SH3BGRL2: variants seen among roughly 807,000 people sequenced by gnomAD.
The protein encoded by SH3BGRL2 is SH3 domain binding glutamate rich protein like 2, also known as SH3 domain-binding glutamic acid-rich-like protein 2.
In SH3BGRL2, 21 loss-of-function variants were observed where a neutral mutation model predicts 14.8. The observed-to-expected ratio is 1.42, with a 90% confidence interval of 1.01 to 2.05. SH3BGRL2 has a LOEUF of 2.05. Ranked by LOEUF, SH3BGRL2 falls within the 30% of genes most tolerant of loss-of-function variation. The pLI is 0.00. For synonymous variants in SH3BGRL2, 50 were observed against 47.8 expected, an observed-to-expected ratio of 1.05 and a Z score of -0.19; for missense variants, 147 against 130.8, an observed-to-expected ratio of 1.12 and a Z score of -0.61.
chr6:79,658,284 C>A (rs1044461643), intron 1 of SH3BGRL2, among the ~76,000 whole-genome samples: 1 of 152,088 alleles, frequency 6.6e-6, no homozygotes, highest in Admixed American at 6.5e-5. Context: ...TAATGCTATC[C>A]CTCACCCAGG....
At chr6:79,624,746 T>TCAGTTTGCTGACTTTTA in the SH3BGRL2 span, among the ~76,000 whole-genome samples, 1 of 152,318 alleles carries the variant, frequency 6.6e-6, no homozygotes, top group Admixed American at 6.5e-5. Flanking sequence ...CTTCTCTTTT[T>TCAGTTTGCTGACTTTTA]CAGTTTGCTG....
chr6:79,691,527 C>T (rs1582740042), intron 2 of SH3BGRL2, among the ~76,000 whole-genome samples: 1 of 123,184 alleles, frequency 8.1e-6, no homozygotes, highest in African/African-American at 3.3e-5. Context: ...CACAACAGTC[C>T]CCGGTGTGTG....
intron 2 of SH3BGRL2, among the ~76,000 whole-genome samples, chr6:79,677,206 C>T (rs959178122): frequency 1.3e-5 from 2 of 152,184 alleles, no homozygotes. Flanking sequence ...GTTGGTTAAC[C>T]TGTAGAAACC....
chr6:79,683,132 G>A (rs1357557395), intron 2 of SH3BGRL2, among the ~76,000 whole-genome samples: 1 of 152,012 alleles, frequency 6.6e-6, no homozygotes, highest in Non-Finnish European at 1.5e-5. Flanking sequence ...AACCAATATG[G>A]TACATGTATA....
chr6:79,556,882 A>G, the SH3BGRL2 span, among the ~76,000 whole-genome samples: 1 of 151,962 alleles, frequency 6.6e-6, no homozygotes, highest in Admixed American at 6.6e-5. Context: ...ATAAATATGC[A>G]AAAACATTAA....
chr6:79,675,391 A>T (rs1266262915), intron 2 of SH3BGRL2, among the ~76,000 whole-genome samples: 3 of 152,136 alleles, frequency 2.0e-5, no homozygotes, highest in African/African-American at 7.2e-5. Flanking sequence ...GAAAAATTTT[A>T]ATCTCTTATA....
At chr6:79,589,905 G>T in the SH3BGRL2 span, among the ~76,000 whole-genome samples, 2 of 152,062 alleles carry the variant, frequency 1.3e-5, no homozygotes, top group Non-Finnish European at 2.9e-5. Context: ...CCAAGTGGCC[G>T]TGACTACAGG....
chr6:79,556,349 A>C, the SH3BGRL2 span, among the ~76,000 whole-genome samples: 2 of 152,298 alleles, frequency 1.3e-5, no homozygotes, highest in South Asian at 2.1e-4. Flanking sequence ...TCTCCACTAA[A>C]CACATTAACA....
upstream of SH3BGRL2, among the ~76,000 whole-genome samples, chr6:79,631,098 C>T (rs916713207): frequency 1.3e-5 from 2 of 152,192 alleles, no homozygotes; most frequent in African/African-American, 2.4e-5. Flanking sequence ...CCTTGCCAAC[C>T]CACCTCACAG....
intron 2 of SH3BGRL2, among the ~76,000 whole-genome samples, chr6:79,682,602 G>T (rs1770009812): frequency 6.6e-6 from 1 of 152,224 alleles, no homozygotes; most frequent in South Asian, 2.1e-4. Flanking sequence ...GATAAAACCG[G>T]AGTTGGGTTT....
the SH3BGRL2 span, among the ~76,000 whole-genome samples, chr6:79,566,359 C>A: frequency 7.2e-5 from 11 of 152,272 alleles, 1 homozygote; most frequent in South Asian, 2.3e-3. Flanking sequence ...TCAAATAGGG[C>A]CGCCTTCAAG....
chr6:79,691,602 A>AAG (rs1770218395), intron 2 of SH3BGRL2, among the ~76,000 whole-genome samples: 1 of 145,826 alleles, frequency 6.9e-6, no homozygotes, highest in Non-Finnish European at 1.5e-5. Flanking sequence ...GAGAACATGC[A>AAG]GTGTTTGGTT....
chr6:79,694,187 A>C (rs901001626), intron 2 of SH3BGRL2, among the ~76,000 whole-genome samples: 1 of 152,174 alleles, frequency 6.6e-6, no homozygotes, highest in African/African-American at 2.4e-5. Flanking sequence ...CCAGGGAAAG[A>C]CCTTCGACTG....
the SH3BGRL2 span, among the ~76,000 whole-genome samples, chr6:79,571,459 C>A: frequency 1.3e-5 from 2 of 152,106 alleles, no homozygotes; most frequent in African/African-American, 2.4e-5. Context: ...TGACAAATAA[C>A]CTAGACAGAC....
At chr6:79,562,092 AT>A in the SH3BGRL2 span, among the ~76,000 whole-genome samples, 40 of 152,178 alleles carry the variant, frequency 2.6e-4, no homozygotes, top group South Asian at 4.4e-3. Context: ...ACAACAATAT[AT>A]TTTTTTATTA....
At chr6:79,667,664 C>T (rs1436742101) in intron 1 of SH3BGRL2, among the ~76,000 whole-genome samples, 1 of 152,112 alleles carries the variant, frequency 6.6e-6, no homozygotes, top group Non-Finnish European at 1.5e-5. Flanking sequence ...CCAGGCTGGT[C>T]TCGAACTCCT....
chr6:79,664,911 G>A (rs1187350457), intron 1 of SH3BGRL2, among the ~76,000 whole-genome samples: 4 of 152,098 alleles, frequency 2.6e-5, no homozygotes, highest in Non-Finnish European at 5.9e-5. Flanking sequence ...TGTTATCATT[G>A]AAAAAGTTGC....
the SH3BGRL2 span, among the ~76,000 whole-genome samples, chr6:79,589,203 TA>T: frequency 3.6e-3 from 248 of 68,516 alleles, 2 homozygotes; most frequent in African/African-American, 9.7e-3. Flanking sequence ...TATATATATA[TA>T]TATTTTTTTT....
At chr6:79,665,861 T>C (rs1306556107) in intron 1 of SH3BGRL2, among the ~76,000 whole-genome samples, 2 of 152,238 alleles carry the variant, frequency 1.3e-5, no homozygotes, top group African/African-American at 2.4e-5. Context: ...TTCAGTCTTT[T>C]GTAAGTCAGC....
Sources: allele counts gnomAD v4.1 joint callset (sites outside exome capture counted in the v4.1 genomes callset), GRCh38; gene constraint gnomAD v4.1.1; transcripts MANE v1.5; gene names NCBI Gene and HGNC (gene_info 2026-07-23, HGNC 2026-07-21).